The following ACTR3C variants were observed in gnomAD, a reference collection of about 807,000 sequenced individuals.
The protein encoded by ACTR3C is actin-related protein 3C.
In ACTR3C, 18 loss-of-function variants were observed where a neutral mutation model predicts 26.3. The observed-to-expected ratio is 0.68, with a 90% CI of 0.47 to 1.01. The LOEUF is 1.01. Among genes scored for constraint, ACTR3C ranks in the 50% least tolerant of loss-of-function variants. The pLI is 0.00. For missense variants in ACTR3C, 184 were observed against 250.7 expected, an observed-to-expected ratio of 0.73 and a Z score of 1.80; for synonymous variants, 55 against 94.5, an observed-to-expected ratio of 0.58 and a Z score of 2.42.
the ACTR3C span, among the ~76,000 whole-genome samples, chr7:150,213,690 G>T: frequency 6.6e-6 from 1 of 151,890 alleles, no homozygotes; most frequent in Non-Finnish European, 1.5e-5. Flanking sequence ...AAAGGAGACA[G>T]GAGGTATTTT....
At chr7:150,311,995 A>G (rs1796367180) in intron 1 of ACTR3C, among the ~76,000 whole-genome samples, 2 of 152,200 alleles carry the variant, frequency 1.3e-5, no homozygotes, top group Admixed American at 6.5e-5. Flanking sequence ...TCTCTAATAA[A>G]GGCCCTTCTT....
the ACTR3C span, among the ~76,000 whole-genome samples, chr7:150,191,333 C>T: frequency 6.6e-6 from 1 of 152,284 alleles, no homozygotes; most frequent in Admixed American, 6.5e-5. Context: ...GATATTAGAT[C>T]TCCCAAACAA....
chr7:150,080,207 C>T, the ACTR3C span, among the ~76,000 whole-genome samples: 747 of 151,256 alleles, frequency 4.9e-3, 4 homozygotes, highest in African/African-American at 0.017. Context: ...ACTTCCTGCA[C>T]AACAAGAGGT....
chr7:150,323,137 G>T (rs1369748920), intron 1 of ACTR3C: 2 of 195,484 alleles, frequency 1.0e-5, no homozygotes, highest in Admixed American at 6.3e-5. Context: ...AACGATTACC[G>T]ACTGTTGACC....
At chr7:150,307,117 C>T (rs957540098) in intron 1 of ACTR3C, among the ~76,000 whole-genome samples, 2 of 152,232 alleles carry the variant, frequency 1.3e-5, no homozygotes, top group Admixed American at 1.3e-4. Context: ...GTGACCATGG[C>T]CCATGACACA....
chr7:150,099,609 G>T, the ACTR3C span, among the ~76,000 whole-genome samples: 1 of 151,526 alleles, frequency 6.6e-6, no homozygotes, highest in Non-Finnish European at 1.5e-5. Context: ...GGAGGACAGG[G>T]ATGGAAGGAG....
At chr7:150,226,605 T>C in the ACTR3C span, among the ~76,000 whole-genome samples, 1 of 152,030 alleles carries the variant, frequency 6.6e-6, no homozygotes, top group Non-Finnish European at 1.5e-5. Context: ...TCTGGCTAAT[T>C]TTTTGTATTT....
chr7:150,148,153 T>TAAA, the ACTR3C span, among the ~76,000 whole-genome samples: 2,834 of 114,564 alleles, frequency 0.025, 55 homozygotes, highest in East Asian at 0.082. Context: ...GCTTAAAAGT[T>TAAA]AAAAAAAAAA....
At chr7:149,931,075 AG>A in the ACTR3C span, among the ~76,000 whole-genome samples, 1 of 152,226 alleles carries the variant, frequency 6.6e-6, no homozygotes, top group Non-Finnish European at 1.5e-5. Context: ...CATGTTGGCC[AG>A]GCTGGTCTTG....
At chr7:150,210,183 A>G in the ACTR3C span, among the ~76,000 whole-genome samples, 12 of 151,004 alleles carry the variant, frequency 7.9e-5, no homozygotes, top group Non-Finnish European at 1.6e-4. Context: ...GCCACTAAAC[A>G]CTTATTTAAA....
the ACTR3C span, among the ~76,000 whole-genome samples, chr7:149,912,803 A>C: frequency 6.6e-6 from 1 of 151,864 alleles, no homozygotes; most frequent in African/African-American, 2.4e-5. Context: ...CCTGGCCCTA[A>C]TATTCTTATG....
At chr7:150,297,216 A>G (rs536008860) in intron 1 of ACTR3C, among the ~76,000 whole-genome samples, 1 of 149,646 alleles carries the variant, frequency 6.7e-6, no homozygotes, top group Admixed American at 6.6e-5. Context: ...CACAGTGTCA[A>G]TCAAGTATGT....
intron 6 of ACTR3C, among the ~76,000 whole-genome samples, chr7:150,255,697 A>G (rs1157700257): frequency 6.6e-6 from 1 of 152,184 alleles, no homozygotes; most frequent in East Asian, 1.9e-4. Context: ...GTTTGCCAAC[A>G]GCAAGAGAGA....
At chr7:149,964,565 A>G in the ACTR3C span, among the ~76,000 whole-genome samples, 1 of 152,246 alleles carries the variant, frequency 6.6e-6, no homozygotes, top group African/African-American at 2.4e-5. Flanking sequence ...TGGTGTCCTC[A>G]TTAAGTGGCC....
At chr7:150,267,460 C>T (rs1486047905) in intron 6 of ACTR3C, among the ~76,000 whole-genome samples, 2 of 152,248 alleles carry the variant, frequency 1.3e-5, no homozygotes, top group South Asian at 2.1e-4. Context: ...ACGCCACCTG[C>T]CCTGAGTCAC....
At chr7:149,973,359 T>C in the ACTR3C span, among the ~76,000 whole-genome samples, 5 of 152,318 alleles carry the variant, frequency 3.3e-5, no homozygotes, top group Non-Finnish European at 7.4e-5. Flanking sequence ...TGATCATGTA[T>C]CCTGGTTTAT....
chr7:149,949,360 T>G, the ACTR3C span, among the ~76,000 whole-genome samples: 1 of 136,728 alleles, frequency 7.3e-6, no homozygotes. Context: ...TGAGCGAGAG[T>G]AAGACTCCGA....
chr7:150,196,795 C>A, the ACTR3C span, among the ~76,000 whole-genome samples: 1 of 152,174 alleles, frequency 6.6e-6, no homozygotes, highest in Non-Finnish European at 1.5e-5. Flanking sequence ...GAGTGTACCA[C>A]TGGCCTCAGA....
At chr7:150,179,067 T>C in the ACTR3C span, among the ~76,000 whole-genome samples, 1 of 148,604 alleles carries the variant, frequency 6.7e-6, no homozygotes, top group East Asian at 1.9e-4. Flanking sequence ...TCCCAAAATG[T>C]AGAAAGAAAT....
Sources: gnomAD v4.1 joint callset for allele counts (sites outside exome capture counted in the v4.1 genomes callset) on GRCh38, gnomAD v4.1.1 for gene constraint, MANE v1.5 for transcripts, NCBI Gene and HGNC (gene_info 2026-07-23, HGNC 2026-07-21) for gene names.